Variants in PEX5L observed in about 807,000 individuals in gnomAD.
The protein encoded by PEX5L is PEX5-related protein.
Under a neutral mutation model 84.0 loss-of-function variants are expected in PEX5L, and 30 were observed. The observed-to-expected ratio is 0.36, with a 90% CI of 0.27 to 0.48. The LOEUF (loss-of-function observed/expected upper bound fraction) is 0.48, where lower values mean the gene tolerates loss of function less well. Among genes scored for constraint, PEX5L ranks in the 20% least tolerant of loss-of-function variants. The pLI is 0.99. For synonymous variants in PEX5L, 270 were observed against 283.1 expected, an observed-to-expected ratio of 0.95 and a Z score of 0.46; for missense variants, 533 against 754.6, an observed-to-expected ratio of 0.71 and a Z score of 3.44.
intron 2 of PEX5L, among the ~76,000 whole-genome samples, chr3:179,965,693 T>C (rs754403619): frequency 7.2e-5 from 11 of 152,188 alleles, no homozygotes; most frequent in Non-Finnish European, 1.5e-4. Context: ...GGAGAATCAG[T>C]ACATTAAATT....
intron 2 of PEX5L, among the ~76,000 whole-genome samples, chr3:179,947,709 A>ATTT (rs1560856895): frequency 2.6e-5 from 2 of 76,350 alleles, no homozygotes; most frequent in Non-Finnish European, 5.2e-5. Context: ...CAAAAAAGTT[A>ATTT]CTTTTTTTTT....
At chr3:179,864,878 CAT>C (rs1466399568) in intron 7 of PEX5L, among the ~76,000 whole-genome samples, 2 of 152,012 alleles carry the variant, frequency 1.3e-5, no homozygotes, top group Non-Finnish European at 2.9e-5. Context: ...ATGAATGACC[CAT>C]GAATGGCAGT....
At chr3:179,830,047 T>A (rs1172716438) in intron 8 of PEX5L, among the ~76,000 whole-genome samples, 1 of 150,504 alleles carries the variant, frequency 6.6e-6, no homozygotes, top group African/African-American at 2.5e-5. Context: ...TCCACCCACC[T>A]TGGCCTCCCA....
At chr3:179,985,276 G>T (rs990494057) in intron 1 of PEX5L, among the ~76,000 whole-genome samples, 1 of 152,140 alleles carries the variant, frequency 6.6e-6, no homozygotes, top group Non-Finnish European at 1.5e-5. Context: ...TCTGTACATG[G>T]CCAGGGTAGC....
chr3:179,823,698 T>C (rs1056561365), intron 8 of PEX5L, among the ~76,000 whole-genome samples: 2 of 152,240 alleles, frequency 1.3e-5, no homozygotes, highest in Non-Finnish European at 2.9e-5. Flanking sequence ...CCTTCATCAT[T>C]GATATTCTGT....
intron 14 of PEX5L, among the ~76,000 whole-genome samples, chr3:179,802,594 C>T (rs941287747): frequency 1.7e-4 from 25 of 147,942 alleles, no homozygotes; most frequent in Middle Eastern, 3.7e-3. Context: ...AGGAATGTCA[C>T]GTGGGAGAGA....
At chr3:179,992,854 G>A (rs1280609168) in intron 1 of PEX5L, among the ~76,000 whole-genome samples, 1 of 151,806 alleles carries the variant, frequency 6.6e-6, no homozygotes, top group Non-Finnish European at 1.5e-5. Flanking sequence ...TTTTTGACCT[G>A]GTTCTTTGCA....
chr3:180,009,150 T>G (rs1007615513), intron 1 of PEX5L, among the ~76,000 whole-genome samples: 3 of 152,230 alleles, frequency 2.0e-5, no homozygotes, highest in African/African-American at 7.2e-5. Flanking sequence ...CTTCCTAATA[T>G]TCTTGGTTAC....
intron 4 of PEX5L, among the ~76,000 whole-genome samples, chr3:179,883,841 T>A (rs930336012): frequency 2.6e-5 from 4 of 152,162 alleles, no homozygotes; most frequent in African/African-American, 9.7e-5. Context: ...GATAAAACTA[T>A]AAAGTATTGG....
chr3:179,830,240 A>G (rs1416592896), intron 8 of PEX5L, among the ~76,000 whole-genome samples: 1 of 151,518 alleles, frequency 6.6e-6, no homozygotes, highest in East Asian at 2.0e-4. Context: ...AAAATCACTT[A>G]TATTGTATTG....
At chr3:179,853,531 G>A (rs1034277446) in intron 8 of PEX5L, among the ~76,000 whole-genome samples, 4 of 152,110 alleles carry the variant, frequency 2.6e-5, no homozygotes, top group African/African-American at 4.8e-5. Context: ...GAGCTCCTTC[G>A]CAGTTTGTCA....
At chr3:179,862,121 G>C (rs955868979) in intron 7 of PEX5L, among the ~76,000 whole-genome samples, 1 of 152,162 alleles carries the variant, frequency 6.6e-6, no homozygotes, top group East Asian at 1.9e-4. Context: ...CTAGTTCCTA[G>C]TGGCTTCAGG....
intron 1 of PEX5L, among the ~76,000 whole-genome samples, chr3:180,000,551 G>A (rs756851475): frequency 2.6e-5 from 4 of 152,320 alleles, no homozygotes; most frequent in Admixed American, 6.5e-5. Flanking sequence ...TACAGAATGG[G>A]TAGCAGAAGG....
intron 8 of PEX5L, among the ~76,000 whole-genome samples, chr3:179,855,714 G>A (rs1046503798): frequency 1.3e-5 from 2 of 152,120 alleles, no homozygotes; most frequent in Non-Finnish European, 2.9e-5. Context: ...TGTCATGAAT[G>A]GGATTAGTGC....
chr3:179,813,966 G>T (rs1475423445), intron 10 of PEX5L, among the ~76,000 whole-genome samples: 1 of 148,312 alleles, frequency 6.7e-6, no homozygotes, highest in African/African-American at 2.5e-5. Flanking sequence ...GTGAGCCACC[G>T]CGCCCGGCCA....
chr3:179,998,976 G>A (rs1338629475), intron 1 of PEX5L, among the ~76,000 whole-genome samples: 1 of 152,194 alleles, frequency 6.6e-6, no homozygotes, highest in East Asian at 1.9e-4. Context: ...CAGCACTACA[G>A]CCTCTTTTTA....
At chr3:179,876,619 T>C (rs1003117719) in intron 5 of PEX5L, among the ~76,000 whole-genome samples, 4 of 152,190 alleles carry the variant, frequency 2.6e-5, no homozygotes, top group Non-Finnish European at 5.9e-5. Flanking sequence ...TAGTGTATAA[T>C]TGAGTAGCAT....
intron 8 of PEX5L, among the ~76,000 whole-genome samples, chr3:179,833,901 G>T (rs1203493041): frequency 6.6e-6 from 1 of 152,096 alleles, no homozygotes; most frequent in Admixed American, 6.6e-5. Context: ...GTGGTGCAAT[G>T]ATGGCTCACT....
chr3:179,973,148 T>G lies in PEX5L; in HGVS notation c.22-1483A>C, dbSNP rs1422602480. On this transcript the variant is annotated intron_variant, in intron 1 of 14. Transcript: ENST00000467460. ...AGAAGTGCCTTTCCAAATATTGATC[T>G]GTATACGTACCAAGTAGCTCATTTG... The G allele has an allele frequency of 2.4e-6, 3 of 1,262,274 alleles. No homozygotes were observed. In the East Asian group the frequency reaches 1.8e-4, roughly 75 times the overall value. The allele number at this position is 1,262,274 out of a possible 1,614,324, so 78.2% of individuals were successfully genotyped here.
Sources: gnomAD v4.1 joint callset for allele counts (sites outside exome capture counted in the v4.1 genomes callset) on GRCh38, gnomAD v4.1.1 for gene constraint, MANE v1.5 for transcripts, NCBI Gene and HGNC (gene_info 2026-07-23, HGNC 2026-07-21) for gene names.